SOCS6: variants seen among roughly 807,000 people sequenced by gnomAD.
The protein encoded by SOCS6 is STAT induced STAT inhibitor-4.
Under a neutral mutation model 27.7 loss-of-function variants are expected in SOCS6, and 5 were observed. The ratio of observed to expected loss-of-function variants is 0.18; its 90% confidence interval spans 0.09 to 0.38. The LOEUF is 0.38. Ranked by LOEUF, SOCS6 falls within the 10% of genes least tolerant of loss-of-function variation. The pLI is 1.00. For missense variants in SOCS6, 595 were observed against 688.1 expected (o/e 0.86, Z 1.51); for synonymous variants, 271 against 260.0 (o/e 1.04, Z -0.41).
At chr18:70,323,151 A>G (rs1911051430) in intron 1 of SOCS6, among the ~76,000 whole-genome samples, 1 of 152,216 alleles carries the variant, frequency 6.6e-6, no homozygotes, top group Non-Finnish European at 1.5e-5. Context: ...GAGTGGCGCT[A>G]AACTGCTGAT....
In SOCS6 at chr18:70,325,221, C is replaced by G; in HGVS notation, c.553C>G (p.Gln185Glu). 1 of 1,614,148 alleles carries G rather than the reference C, an allele frequency of 6.2e-7. No individual in the cohort carries two copies. The highest frequency in any genetic ancestry group is 1.3e-5 in the African/African-American group (1 of 75,062). Residue 185 changes from glutamine to glutamate, a missense_variant, in exon 2 of 2, where the codon CAG becomes GAG. Physicochemically the swap from Gln to Glu is conservative, Grantham distance 29. Around this residue, in one of 2 missense-constraint regions of SOCS6, gnomAD observed 467 missense variants for 481.1 expected, o/e 0.97. Coordinates refer to ENST00000397942, the MANE Select transcript of SOCS6 (RefSeq NM_004232.4). The surrounding 1 kb of genome is among the most constrained non-coding windows in gnomAD (Gnocchi z 6.3). ...CGACCTCCAGTCTGAGACCACGTGC[C>G]AGGAGCAAGCCAATTCACTGAAGAG... ...FHDLQSETTC[Q>E]EQANSLKSSA...
At chr18:70,310,128 CACTT>C (rs1403253642) in intron 1 of SOCS6, among the ~76,000 whole-genome samples, 1 of 152,198 alleles carries the variant, frequency 6.6e-6, no homozygotes, top group Non-Finnish European at 1.5e-5. Flanking sequence ...TTGACGTACA[CACTT>C]ACCATTTCCA....
chr18:70,299,511 T>C (rs1370555848), intron 1 of SOCS6, among the ~76,000 whole-genome samples: 1 of 152,154 alleles, frequency 6.6e-6, no homozygotes, highest in Non-Finnish European at 1.5e-5. Context: ...TCTGTAGAAC[T>C]CAATCTCTAA....
intron 1 of SOCS6, chr18:70,314,056 C>T (rs1018481009): frequency 4.6e-5 from 7 of 152,062 alleles, no homozygotes; most frequent in Non-Finnish European, 1.5e-5. Flanking sequence ...AGGATCTAGT[C>T]TTTTATTATG....
At chr18:70,306,159 G>C (rs901306149) in intron 1 of SOCS6, among the ~76,000 whole-genome samples, 2 of 152,132 alleles carry the variant, frequency 1.3e-5, no homozygotes, top group African/African-American at 4.8e-5. Context: ...GAGCTCAGGA[G>C]GTCGAGGCTG....
intron 1 of SOCS6, among the ~76,000 whole-genome samples, chr18:70,316,230 G>T (rs552295233): frequency 6.6e-6 from 1 of 152,142 alleles, no homozygotes; most frequent in African/African-American, 2.4e-5. Context: ...ATTTAAAGAT[G>T]TTTGATTTTA....
intron 1 of SOCS6, among the ~76,000 whole-genome samples, chr18:70,306,613 C>T (rs2062370772): frequency 1.3e-5 from 2 of 151,322 alleles, no homozygotes; most frequent in African/African-American, 4.9e-5. Flanking sequence ...ACCTTCAGTA[C>T]AGTGTTGAGT....
In SOCS6 at chr18:70,329,551, G is replaced by A. The variant is rs1034377094; in HGVS notation, c.*3275G>A. 4.8e-5 allele frequency: 8 copies of A among 167,054 alleles called. No individual in the cohort carries two copies. The highest frequency in any genetic ancestry group is 1.2e-4 in the Non-Finnish European group (8 of 68,112). The allele number at this position is 167,054 out of a possible 1,614,324, so 10.3% of individuals were successfully genotyped here. ...TTGTATATGAGAGATACTGCTTTAT[G>A]AATGAATCGGAATAATACATTTTCA... On this transcript the variant is annotated 3_prime_UTR_variant, in exon 2 of 2. Coordinates refer to ENST00000397942, the MANE Select transcript of SOCS6 (RefSeq NM_004232.4).
chr18:70,311,978 C>T (rs1237385842), intron 1 of SOCS6, among the ~76,000 whole-genome samples: 1 of 152,118 alleles, frequency 6.6e-6, no homozygotes, highest in Non-Finnish European at 1.5e-5. Flanking sequence ...CTCTGTATTT[C>T]AGCTTCCCCA....
intron 1 of SOCS6, among the ~76,000 whole-genome samples, chr18:70,314,030 T>C (rs2062401174): frequency 6.6e-6 from 1 of 152,260 alleles, no homozygotes; most frequent in Non-Finnish European, 1.5e-5. Context: ...TCACCTTTTT[T>C]GAAGCTGTTA....
At chr18:70,315,424 A>G (rs1009458657) in intron 1 of SOCS6, among the ~76,000 whole-genome samples, 23 of 152,188 alleles carry the variant, frequency 1.5e-4, no homozygotes, top group African/African-American at 5.5e-4. Context: ...ATATTTTGCT[A>G]TAAAATTATC....
chr18:70,293,214 C>T (rs1187738996), intron 1 of SOCS6, among the ~76,000 whole-genome samples: 1 of 152,174 alleles, frequency 6.6e-6, no homozygotes, highest in Non-Finnish European at 1.5e-5. Flanking sequence ...CAGAGATGTG[C>T]TGTGTACATG....
intron 1 of SOCS6, among the ~76,000 whole-genome samples, chr18:70,295,478 T>C (rs2062319006): frequency 6.6e-6 from 1 of 152,252 alleles, no homozygotes; most frequent in African/African-American, 2.4e-5. Context: ...GTTTAAAGTT[T>C]GTTGTGATGT....
In SOCS6 at chr18:70,317,539, C is replaced by CAT. The variant is rs1568602802; in HGVS notation, c.-126-7003_-126-7002insTA. ...ACATACATATATACGTATATATACACACTTCATATATACATACACACACAC... is the reference window on the plus strand; with the variant it reads ...ACATACATATATACGTATATATACACATACTTCATATATACATACACACACAC... On this transcript the variant is annotated intron_variant, in intron 1 of 1. Transcript: ENST00000397942. Among the ~76,000 whole-genome samples, 10 of 1,880 alleles carry CAT rather than the reference C, an allele frequency of 5.3e-3. 1 individual carries two copies. The highest frequency in any genetic ancestry group is 0.021 in the South Asian group (5 of 238). The allele number at this position is 1,880 out of a possible 152,430, so 1.2% of individuals were successfully genotyped here. A position where few individuals can be genotyped will look rare whatever the true frequency, so the allele number is the denominator to read the frequency against.
In SOCS6 at chr18:70,313,824, G is replaced by A. The variant is rs79416896; in HGVS notation, c.-126-10719G>A. 8.4e-3 allele frequency among the ~76,000 whole-genome samples: 1,272 copies of A among 152,160 alleles called. 23 individuals are homozygous for A. Among genetic ancestry groups the A allele is most frequent in the African/African-American group, 0.029 (1,194 of 41,510 alleles). On this transcript the variant is annotated intron_variant, in intron 1 of 1. Coordinates refer to ENST00000397942, the MANE Select transcript of SOCS6 (RefSeq NM_004232.4). ...TAGAATTTTTCTCTTTTCGTTGTTT[G>A]CATAACAAAGTTCACTGTCATTTTG...
intron 1 of SOCS6, among the ~76,000 whole-genome samples, chr18:70,306,637 G>A (rs978716283): frequency 6.6e-6 from 1 of 151,982 alleles, no homozygotes; most frequent in African/African-American, 2.4e-5. Context: ...GGGGGTGAGC[G>A]CAAATGTCCT....
At chr18:70,295,609 A>G (rs1326085875) in intron 1 of SOCS6, among the ~76,000 whole-genome samples, 1 of 152,252 alleles carries the variant, frequency 6.6e-6, no homozygotes, top group Non-Finnish European at 1.5e-5. Context: ...AAGAAAAGTG[A>G]CATATTTAGG....
chr18:70,309,879 T>C (rs947993981), intron 1 of SOCS6, among the ~76,000 whole-genome samples: 14 of 152,136 alleles, frequency 9.2e-5, no homozygotes, highest in African/African-American at 3.4e-4. Flanking sequence ...AGAGACAGGA[T>C]TTCACCATGT....
At chr18:70,320,087 G>A (rs1017873767) in intron 1 of SOCS6, among the ~76,000 whole-genome samples, 1 of 152,096 alleles carries the variant, frequency 6.6e-6, no homozygotes, top group East Asian at 1.9e-4. Context: ...TGCTTCCTGG[G>A]CTCAAGTGAT....
Sources: allele counts gnomAD v4.1 joint callset (sites outside exome capture counted in the v4.1 genomes callset), GRCh38; gene constraint gnomAD v4.1.1; regional missense constraint gnomAD v4.1.1; non-coding constraint Gnocchi (gnomAD v3.1); transcripts MANE v1.5; gene names NCBI Gene and HGNC (gene_info 2026-07-23, HGNC 2026-07-21).